NRCAM: variants seen among roughly 807,000 people sequenced by gnomAD.
The protein encoded by NRCAM is neuronal cell adhesion molecule, also known as NgCAM-related cell adhesion molecule.
NRCAM carries 83 observed loss-of-function variants against 156.5 expected under a neutral mutation model. The observed-to-expected ratio is 0.53, with a 90% CI of 0.44 to 0.64. NRCAM has a LOEUF of 0.64. Among genes scored for constraint, NRCAM ranks in the 30% least tolerant of loss-of-function variants. The probability of loss-of-function intolerance (pLI) is 0.00; values close to 1 mark genes in which losing one functional copy is unlikely to be tolerated. For missense variants in NRCAM, 1,417 were observed against 1,597.3 expected (o/e 0.89, Z 1.92); for synonymous variants, 538 against 563.9 (o/e 0.95, Z 0.65).
At chr7:108,205,018 A>G (rs1201543573) in intron 13 of NRCAM, among the ~76,000 whole-genome samples, 3 of 152,214 alleles carry the variant, frequency 2.0e-5, no homozygotes, top group Non-Finnish European at 4.4e-5. Flanking sequence ...CTGGATTTAC[A>G]AGGTTCCCTC....
intron 3 of NRCAM, among the ~76,000 whole-genome samples, chr7:108,293,172 C>A (rs947182857): frequency 2.0e-5 from 3 of 152,140 alleles, no homozygotes; most frequent in African/African-American, 7.2e-5. Flanking sequence ...TAATTAACAG[C>A]CTTACTGCAT....
chr7:108,403,054 T>C (rs926237888), intron 1 of NRCAM, among the ~76,000 whole-genome samples: 4 of 152,188 alleles, frequency 2.6e-5, no homozygotes, highest in African/African-American at 4.8e-5. Context: ...CCCTCCTCCT[T>C]AGAGTGTCTT....
intron 21 of NRCAM, 44 bp from the exon 22 acceptor site, chr7:108,184,355 C>T (rs774725809): frequency 9.9e-6 from 16 of 1,613,018 alleles, no homozygotes; most frequent in South Asian, 2.2e-5. Flanking sequence ...TGGCCTTTTG[C>T]GAAGAGTGGA....
At chr7:108,155,451 A>G (rs1171696247) in intron 32 of NRCAM, among the ~76,000 whole-genome samples, 2 of 152,086 alleles carry the variant, frequency 1.3e-5, no homozygotes, top group African/African-American at 4.8e-5. Context: ...AATCAGGATC[A>G]TTGTGCAGTG....
intron 3 of NRCAM, among the ~76,000 whole-genome samples, chr7:108,244,650 T>C (rs987981781): frequency 1.3e-5 from 2 of 152,112 alleles, no homozygotes; most frequent in Non-Finnish European, 2.9e-5. Context: ...TCCGGGATAA[T>C]AGGACTATAG....
intron 3 of NRCAM, among the ~76,000 whole-genome samples, chr7:108,249,092 T>A (rs2096167869): frequency 6.6e-6 from 1 of 152,190 alleles, no homozygotes; most frequent in Non-Finnish European, 1.5e-5. Context: ...GGCCTGAGCA[T>A]GTGTGTTGGG....
chr7:108,236,362 C>T (rs73725395), intron 5 of NRCAM, among the ~76,000 whole-genome samples: 4,409 of 152,272 alleles, frequency 0.029, 199 homozygotes, highest in African/African-American at 0.1. Flanking sequence ...GGGTACTGGG[C>T]AGTGTCAGTT....
chr7:108,311,363 G>C (rs1196504585), intron 3 of NRCAM, among the ~76,000 whole-genome samples: 1 of 151,694 alleles, frequency 6.6e-6, no homozygotes. Context: ...TTACCTTGCA[G>C]GTGTTCTTTA....
At chr7:108,221,691 G>A (rs959328707) in intron 11 of NRCAM, among the ~76,000 whole-genome samples, 1 of 152,098 alleles carries the variant, frequency 6.6e-6, no homozygotes, top group African/African-American at 2.4e-5. Flanking sequence ...GGACTTTGGG[G>A]ACTTCAGGGG....
chr7:108,387,684 A>G (rs1406233525), intron 2 of NRCAM, among the ~76,000 whole-genome samples: 3 of 151,810 alleles, frequency 2.0e-5, no homozygotes, highest in Non-Finnish European at 2.9e-5. Flanking sequence ...CATTTACATT[A>G]GGTATATCTC....
At chr7:108,202,488 G>A (rs1449617771) in intron 13 of NRCAM, among the ~76,000 whole-genome samples, 1 of 152,166 alleles carries the variant, frequency 6.6e-6, no homozygotes, top group Non-Finnish European at 1.5e-5. Context: ...TGAGGTTACT[G>A]CTCAGGTTTT....
chr7:108,276,631 G>C (rs1051443943), intron 3 of NRCAM, among the ~76,000 whole-genome samples: 7 of 151,410 alleles, frequency 4.6e-5, no homozygotes, highest in African/African-American at 1.7e-4. Flanking sequence ...ATGTGTGTCT[G>C]TGCACATGAG....
intron 2 of NRCAM, among the ~76,000 whole-genome samples, chr7:108,342,011 C>T (rs1010962499): frequency 6.6e-6 from 1 of 152,164 alleles, no homozygotes; most frequent in African/African-American, 2.4e-5. Context: ...TCCTGACTCT[C>T]GATTCTTTTT....
chr7:108,201,159 T>A (rs2077839485), intron 13 of NRCAM, among the ~76,000 whole-genome samples: 1 of 138,166 alleles, frequency 7.2e-6, no homozygotes, highest in African/African-American at 2.8e-5. Flanking sequence ...AGAAACAAAC[T>A]AAATTTTTAA....
At chr7:108,163,749 G>A (rs1483152451) in intron 30 of NRCAM, among the ~76,000 whole-genome samples, 2 of 151,622 alleles carry the variant, frequency 1.3e-5, no homozygotes, top group African/African-American at 2.4e-5. Context: ...AGGGAGTGGC[G>A]CTAATGAGCA....
chr7:108,338,393 C>CTTCCT, intron 2 of NRCAM, among the ~76,000 whole-genome samples: 1 of 152,210 alleles, frequency 6.6e-6, no homozygotes, highest in South Asian at 2.1e-4. Context: ...AAGCTCTACA[C>CTTCCT]TGTATCCTTA....
rs572701306 is a variant in NRCAM, at chr7:108,199,501, C to T, written c.1208-1402G>A. Among the ~76,000 whole-genome samples the T allele has an allele frequency of 2.1e-4, 32 of 152,332 alleles. No individual in the cohort carries two copies. The South Asian group carries it at 2.3e-3, about 11-fold the overall frequency. On this transcript the variant is annotated intron_variant, in intron 13 of 32. Coordinates refer to ENST00000379028, the MANE Select transcript of NRCAM (RefSeq NM_001037132.4). ...TAAAACCAATGCGTGAGCAGAGCTG[C>T]GTCGCTTTCTGAAGGTTCTAGGGGA...
Position 108,356,596 on chromosome 7 carries a change from A to G in NRCAM, c.-174+42840T>C, listed in dbSNP as rs142230751. Among the ~76,000 whole-genome samples, 295 of 152,336 alleles carry G rather than the reference A, an allele frequency of 1.9e-3. 1 individual carries two copies. The highest frequency in any genetic ancestry group is 6.8e-3 in the African/African-American group (281 of 41,574). On this transcript the variant is annotated intron_variant, in intron 2 of 32. Transcript: ENST00000379028. ...AATTGTTCTTTTTTTGAGAGAGAGA[A>G]AAAGACTGTTTTTTAAGAAAATAAT...
chr7:108,259,209 T>G (rs1356412780), intron 3 of NRCAM, among the ~76,000 whole-genome samples: 2 of 152,242 alleles, frequency 1.3e-5, no homozygotes, highest in Non-Finnish European at 2.9e-5. Context: ...CATCACTTCC[T>G]AAAATGAGTG....
Sources: gnomAD v4.1 joint callset for allele counts (sites outside exome capture counted in the v4.1 genomes callset) on GRCh38, gnomAD v4.1.1 for gene constraint, MANE v1.5 for transcripts, NCBI Gene and HGNC (gene_info 2026-07-23, HGNC 2026-07-21) for gene names.